Variants in SLC26A5 observed in about 807,000 individuals in gnomAD.
The protein encoded by SLC26A5 is prestin.
SLC26A5 carries 51 observed loss-of-function variants against 81.0 expected under a neutral mutation model. The ratio of observed to expected loss-of-function variants is 0.63; its 90% CI spans 0.50 to 0.80. SLC26A5 has a LOEUF of 0.80. SLC26A5 is among the 30% of genes least tolerant of loss of function. The pLI is 0.00. For synonymous variants in SLC26A5, 325 were observed against 332.8 expected (o/e 0.98, Z 0.25); for missense variants, 771 against 905.8 (o/e 0.85, Z 1.91).
At chr7:103,363,454 G>A (rs1180066316) in intron 19 of SLC26A5, 9 of 1,590,066 alleles carry the variant, frequency 5.7e-6, no homozygotes, top group Non-Finnish European at 6.9e-6. Context: ...GTAGCTGAGT[G>A]TTGTATTTAA....
At position 103,410,505 on chromosome 7, in the gene SLC26A5, G is replaced by C; in HGVS notation, c.615C>G (p.Leu205=). The C allele has an allele frequency of 6.2e-7, 1 of 1,614,046 alleles. No homozygotes were observed. The highest frequency in any genetic ancestry group is 8.5e-7 in the Non-Finnish European group (1 of 1,180,008). ...VCRFGFVAIY[L]TEPLVRGFTT... ...TAAACCCACGGACCAGAGGCTCTGT[G>C]AGATATATGGCCACAAATCCAAACC... Residue 205 remains leucine (L), a synonymous_variant, in exon 7 of 20, where the codon CTC becomes CTG. Transcript: ENST00000306312.
At chr7:103,425,484 A>C (rs532053480) in intron 2 of SLC26A5, among the ~76,000 whole-genome samples, 2 of 152,346 alleles carry the variant, frequency 1.3e-5, no homozygotes, top group South Asian at 4.1e-4. Flanking sequence ...AGAGAAATAC[A>C]TATGAAAAAT....
At chr7:103,395,474 CAT>C (rs992268418) in intron 9 of SLC26A5, among the ~76,000 whole-genome samples, 5 of 126,420 alleles carry the variant, frequency 4.0e-5, no homozygotes, top group African/African-American at 8.9e-5. Flanking sequence ...TATATATATA[CAT>C]ATATATATAC....
intron 4 of SLC26A5, among the ~76,000 whole-genome samples, chr7:103,417,679 C>G (rs922575541): frequency 6.6e-6 from 1 of 152,156 alleles, no homozygotes. Context: ...GAAATATCTA[C>G]TTGTCTATCT....
Position 103,433,709 on chromosome 7 carries a change from T to C in SLC26A5, c.-54+9374A>G, listed in dbSNP as rs547915128. 5 of 149,108 alleles carry C rather than the reference T, an allele frequency of 3.4e-5. No homozygotes were observed. The East Asian group carries it at 9.7e-4, about 29-fold the overall frequency. The allele number at this position is 149,108 out of a possible 1,614,324, so 9.2% of individuals were successfully genotyped here. A position where few individuals can be genotyped will look rare whatever the true frequency, so the allele number is the denominator to read the frequency against. ...TATTAATTTTTTTTTCTTTCTTTTTTTTTTTTTTTTTGAGACAGAGTCTCA... is the reference window on the plus strand; with the variant it reads ...TATTAATTTTTTTTTCTTTCTTTTTCTTTTTTTTTTTGAGACAGAGTCTCA... On this transcript the variant is annotated intron_variant, in intron 2 of 19. Transcript: ENST00000306312.
chr7:103,441,895 A>C (rs1826906071), intron 2 of SLC26A5, among the ~76,000 whole-genome samples: 2 of 152,178 alleles, frequency 1.3e-5, no homozygotes, highest in Non-Finnish European at 2.9e-5. Context: ...CTTCTGAGAA[A>C]GGCATGTTTA....
intron 8 of SLC26A5, among the ~76,000 whole-genome samples, chr7:103,402,199 T>A (rs149944637): frequency 0.023 from 3,439 of 152,244 alleles, 145 homozygotes; most frequent in African/African-American, 0.078. Flanking sequence ...CTGGACTTTT[T>A]TTTGGTGGTA....
downstream of SLC26A5, among the ~76,000 whole-genome samples, chr7:103,370,332 GCCTTC>G (rs532875013): frequency 1.3e-5 from 2 of 152,090 alleles, no homozygotes; most frequent in Non-Finnish European, 2.9e-5. Context: ...ACATAAAAGA[GCCTTC>G]CCCACCACCT....
At chr7:103,404,621 C>T (rs922474247) in intron 8 of SLC26A5, among the ~76,000 whole-genome samples, 6 of 152,118 alleles carry the variant, frequency 3.9e-5, no homozygotes, top group Non-Finnish European at 7.3e-5. Context: ...ACATTTTTTC[C>T]TTCATTTCAA....
At position 103,397,369 on chromosome 7, in the gene SLC26A5, G is replaced by A. The variant is rs191360713; in HGVS notation, c.971+563C>T. On this transcript the variant is annotated intron_variant, in intron 9 of 19. Transcript: ENST00000306312. ...ATCCTGGCTAACATGGTGAAACCCC[G>A]TCTCTATTAAAAATACAAAAAATCA... Among the ~76,000 whole-genome samples, 293 of 151,542 alleles carry A rather than the reference G, an allele frequency of 1.9e-3. 3 individuals carry two copies. The highest frequency in any genetic ancestry group is 6.7e-3 in the African/African-American group (278 of 41,342).
intron 2 of SLC26A5, 78 bp from the exon 3 acceptor site, chr7:103,421,645 G>T: frequency 1.0e-6 from 1 of 977,940 alleles, no homozygotes; most frequent in East Asian, 2.6e-5. Flanking sequence ...CTTCTTTGTG[G>T]TGTTCCAAGT....
At chr7:103,353,984 T>C (rs777954885) in intron 19 of SLC26A5, 2 of 1,523,160 alleles carry the variant, frequency 1.3e-6, no homozygotes, top group South Asian at 2.5e-5. Flanking sequence ...GTCTACAAAC[T>C]ATAGATGTTT....
intron 2 of SLC26A5, among the ~76,000 whole-genome samples, chr7:103,440,342 C>T (rs1380184896): frequency 6.6e-6 from 1 of 152,122 alleles, no homozygotes; most frequent in East Asian, 1.9e-4. Context: ...AATTGTAATG[C>T]TTTTTGGAAG....
chr7:103,378,596 C>G (rs1256771959), intron 16 of SLC26A5, 43 bp from the exon 17 acceptor site: 8 of 1,551,564 alleles, frequency 5.2e-6, no homozygotes, highest in Non-Finnish European at 7.1e-6. Context: ...TCATGGCTCT[C>G]AGGGACCCAC....
intron 7 of SLC26A5, among the ~76,000 whole-genome samples, chr7:103,409,974 T>C (rs920999745): frequency 6.6e-6 from 1 of 152,210 alleles, no homozygotes; most frequent in Non-Finnish European, 1.5e-5. Context: ...TTCAAAGTGC[T>C]GGGATTACAG....
In SLC26A5 at chr7:103,374,225, A is replaced by G. The variant is rs192006652; in HGVS notation, c.*174T>C. ...AGGCCAATTTATCTTTGAAGTATTCAATTAAAAAAACACAAGTACAATACA... is the reference window on the plus strand; with the variant it reads ...AGGCCAATTTATCTTTGAAGTATTCGATTAAAAAAACACAAGTACAATACA... On this transcript the variant is annotated 3_prime_UTR_variant, in exon 20 of 20. Coordinates refer to ENST00000306312, the MANE Select transcript of SLC26A5 (RefSeq NM_198999.3). 3,047 of 1,410,176 alleles carry G rather than the reference A, an allele frequency of 2.2e-3. 4 individuals carry two copies. The highest frequency in any genetic ancestry group is 4.0e-3 in the Middle Eastern group (15 of 3,790). 87.4% of individuals were successfully genotyped at this position (1,410,176 alleles called of 1,614,324 possible). A position where few individuals can be genotyped will look rare whatever the true frequency, so the allele number is the denominator to read the frequency against.
Position 103,427,962 on chromosome 7 carries a change from C to T in SLC26A5, c.-53-6395G>A, listed in dbSNP as rs932601416. On this transcript the variant is annotated intron_variant, in intron 2 of 19. Coordinates refer to ENST00000306312, the MANE Select transcript of SLC26A5 (RefSeq NM_198999.3). ...ATGCCTCCTGGGTTCAAGCGATTCT[C>T]CTGCCTCAGCTTCCCAAGTAGCTGG... Among the ~76,000 whole-genome samples the T allele has an allele frequency of 5.9e-5, 9 of 151,894 alleles. No homozygotes were observed. In the East Asian group the frequency reaches 1.7e-3, roughly 29 times the overall value.
intron 4 of SLC26A5, 48 bp downstream of exon 4, chr7:103,420,690 C>G (rs1290901931): frequency 6.2e-7 from 1 of 1,610,318 alleles, no homozygotes; most frequent in Admixed American, 1.7e-5. Flanking sequence ...GAAGGTCAAG[C>G]AATTGTTTGA....
Position 103,355,896 on chromosome 7 carries a change from C to A in SLC26A5, c.2042-2970G>T, listed in dbSNP as rs1197488260. Reference sequence around the variant, plus strand: ...CAATAGTTCATAAATAATTTTGATTCCAAATTCCAAGTAAATAAAGCTTTC... The same window carrying A: ...CAATAGTTCATAAATAATTTTGATTACAAATTCCAAGTAAATAAAGCTTTC... On this transcript the variant is annotated intron_variant, in intron 19 of 19. Coordinates refer to the SLC26A5 transcript ENST00000339444. 5 of 770,066 alleles carry A rather than the reference C, an allele frequency of 6.5e-6. No individual in the cohort carries two copies. In the African/African-American group the frequency reaches 6.9e-5, roughly 11 times the overall value. The allele number at this position is 770,066 out of a possible 1,614,324, so 47.7% of individuals were successfully genotyped here. A position where few individuals can be genotyped will look rare whatever the true frequency, so the allele number is the denominator to read the frequency against.
Sources: allele counts gnomAD v4.1 joint callset (sites outside exome capture counted in the v4.1 genomes callset), GRCh38; gene constraint gnomAD v4.1.1; transcripts MANE v1.5; gene names NCBI Gene and HGNC (gene_info 2026-07-23, HGNC 2026-07-21).